ROR2: variants seen among roughly 807,000 people sequenced by gnomAD.
ROR2 encodes the protein tyrosine-protein kinase transmembrane receptor ROR2.
In ROR2, 33 loss-of-function variants were observed where a neutral mutation model predicts 74.9. The observed-to-expected ratio is 0.44, with a 90% CI of 0.33 to 0.59. The LOEUF (loss-of-function observed/expected upper bound fraction) is 0.59. Among genes scored for constraint, ROR2 ranks in the 20% least tolerant of loss-of-function variants. ROR2 has a pLI of 0.02. For missense variants in ROR2, 1,216 were observed against 1,313.8 expected, an observed-to-expected ratio of 0.93 and a Z score of 1.15; for synonymous variants, 586 against 558.7, an observed-to-expected ratio of 1.05 and a Z score of -0.69.
intron 2 of ROR2, among the ~76,000 whole-genome samples, chr9:91,763,194 G>A (rs998678645): frequency 6.6e-6 from 1 of 152,182 alleles, no homozygotes; most frequent in African/African-American, 2.4e-5. Flanking sequence ...TAGGAGGAGG[G>A]TGAGGATTAA....
At position 91,733,159 on chromosome 9, in the gene ROR2, G is replaced by A; in HGVS notation, c.900C>T (p.Cys300=). 1 of 1,605,256 alleles carries A rather than the reference G, an allele frequency of 6.2e-7. No individual in the cohort carries two copies. Among genetic ancestry groups the A allele is most frequent in the Non-Finnish European group, 8.5e-7 (1 of 1,177,306 alleles). The change falls in exon 6 of 9, where the codon TGC becomes TGT. Residue 300 remains cysteine, a synonymous_variant. Transcript: ENST00000375708. The surrounding 1 kb of genome is among the most constrained non-coding windows in gnomAD (Gnocchi z 5.7). Reference sequence around the variant, plus strand: ...TCTCGGCTGGGATGCCAATGCGCATGCAGTTGGCAGCGTCGGGGCTCTCAG... The same window carrying A: ...TCTCGGCTGGGATGCCAATGCGCATACAGTTGGCAGCGTCGGGGCTCTCAG... The part of the protein sequence containing the change: ...PMPESPDAAN[C]MRIGIPAERL...
intron 1 of ROR2, among the ~76,000 whole-genome samples, chr9:91,870,348 C>T (rs929585239): frequency 4.6e-5 from 7 of 152,170 alleles, no homozygotes. Flanking sequence ...GAAACTCCTT[C>T]GTACGGAGCA....
At chr9:91,758,023 G>A (rs533397775) in intron 2 of ROR2, among the ~76,000 whole-genome samples, 31 of 152,280 alleles carry the variant, frequency 2.0e-4, no homozygotes, top group Admixed American at 8.5e-4. Context: ...TGCTGTGCCT[G>A]GGGGCCATCA....
At chr9:91,844,171 T>C (rs1467234271) in intron 1 of ROR2, among the ~76,000 whole-genome samples, 2 of 152,230 alleles carry the variant, frequency 1.3e-5, no homozygotes, top group African/African-American at 4.8e-5. Flanking sequence ...GAAATGGTTC[T>C]CCAGCAAAGT....
chr9:91,803,323 G>T (rs1564286498), intron 1 of ROR2, among the ~76,000 whole-genome samples: 1 of 152,204 alleles, frequency 6.6e-6, no homozygotes, highest in Non-Finnish European at 1.5e-5. Context: ...AAGGCTATGT[G>T]AATCACTTCT....
chr9:91,723,733 G>T lies in ROR2; in HGVS notation c.2761C>A (p.Pro921Thr), dbSNP rs1307409375. Reference sequence around the variant, plus strand: ...CAGTCCCCCAGCAGCTCAGTCTCTGGGACAGAGCCTTCCTCCTCCTCCTCT... The same window carrying T: ...CAGTCCCCCAGCAGCTCAGTCTCTGTGACAGAGCCTTCCTCCTCCTCCTCT... Reference protein sequence around the residue: ...EAEEEEEGSVPETELLGDCDT... With the variant: ...EAEEEEEGSVTETELLGDCDT... The change falls in exon 9 of 9, where the codon CCA becomes ACA. Residue 921 changes from proline (P) to threonine (T), a missense_variant. By Grantham distance (38) the Pro-to-Thr change is conservative. Coordinates refer to ENST00000375708, the MANE Select transcript of ROR2 (RefSeq NM_004560.4). 1.9e-6 allele frequency: 3 copies of T among 1,613,780 alleles called. No individual in the cohort carries two copies. In the Admixed American group the frequency reaches 5.0e-5, roughly 27 times the overall value.
At chr9:91,891,769 T>C (rs1830426151) in intron 1 of ROR2, among the ~76,000 whole-genome samples, 1 of 151,478 alleles carries the variant, frequency 6.6e-6, no homozygotes, top group Non-Finnish European at 1.5e-5. Flanking sequence ...GCACAGGGGC[T>C]GGGCATGGTG....
intron 4 of ROR2, among the ~76,000 whole-genome samples, chr9:91,740,468 C>T (rs1438554970): frequency 4.0e-5 from 6 of 151,202 alleles, no homozygotes; most frequent in African/African-American, 9.8e-5. Flanking sequence ...AGGAGAATGG[C>T]GTGAACCCAG....
At chr9:91,854,084 C>T (rs1229125685) in intron 1 of ROR2, among the ~76,000 whole-genome samples, 3 of 152,138 alleles carry the variant, frequency 2.0e-5, no homozygotes, top group African/African-American at 7.2e-5. Flanking sequence ...CTATGGGCAA[C>T]ACCACGCAAG....
At chr9:91,930,657 G>A (rs1030815108) in intron 1 of ROR2, among the ~76,000 whole-genome samples, 2 of 152,192 alleles carry the variant, frequency 1.3e-5, no homozygotes, top group Admixed American at 1.3e-4. Context: ...GTTCATCATG[G>A]GGGCAAGATT....
intron 2 of ROR2, among the ~76,000 whole-genome samples, chr9:91,763,533 T>TAA (rs1825975935): frequency 1.3e-5 from 2 of 152,208 alleles, no homozygotes; most frequent in Admixed American, 6.5e-5. Flanking sequence ...GCGCTACAGT[T>TAA]TTAGTTCGCA....
intron 1 of ROR2, among the ~76,000 whole-genome samples, chr9:91,786,138 T>C (rs966859966): frequency 4.6e-5 from 5 of 107,528 alleles, no homozygotes; most frequent in Non-Finnish European, 8.9e-5. Context: ...CTGGGTAACA[T>C]ACGGAAACCC....
chr9:91,762,489 C>A (rs1293519816), intron 2 of ROR2, among the ~76,000 whole-genome samples: 1 of 152,162 alleles, frequency 6.6e-6, no homozygotes, highest in African/African-American at 2.4e-5. Flanking sequence ...ATGTTAAATG[C>A]TAAAATGCTG....
intron 4 of ROR2, among the ~76,000 whole-genome samples, chr9:91,753,318 A>G (rs569105701): frequency 1.4e-3 from 206 of 152,368 alleles, no homozygotes; most frequent in Middle Eastern, 6.8e-3. Flanking sequence ...AAGAGGAGAC[A>G]TGAGTGCCAA....
intron 1 of ROR2, among the ~76,000 whole-genome samples, chr9:91,781,535 G>C (rs573146880): frequency 6.6e-6 from 1 of 152,340 alleles, no homozygotes; most frequent in African/African-American, 2.4e-5. Context: ...GGAGAAGTAT[G>C]TCAATAGCAA....
rs56134220 is a variant in ROR2 at position 91,839,251 on chromosome 9, G to GGTGTGT, written c.98-63439_98-63434dup. On this transcript the variant is annotated intron_variant, in intron 1 of 8. Coordinates refer to ENST00000375708, the MANE Select transcript of ROR2 (RefSeq NM_004560.4). ...TGATTCCTGGTGCTGTCAGATCGGG[G>GGTGTGT]GTGTGTGTGTGTGTGTGTGTGTGTG... is the stretch of plus-strand genomic sequence containing the variant. 3.2e-3 allele frequency among the ~76,000 whole-genome samples: 341 copies of GGTGTGT among 107,780 alleles called. 1 individual carries two copies. The highest frequency in any genetic ancestry group is 6.8e-3 in the South Asian group (22 of 3,220). 70.7% of individuals were successfully genotyped at this position (107,780 alleles called of 152,430 possible). A position where few individuals can be genotyped will look rare whatever the true frequency, so the allele number is the denominator to read the frequency against.
intron 4 of ROR2, among the ~76,000 whole-genome samples, chr9:91,747,641 G>A (rs1825466400): frequency 6.6e-6 from 1 of 152,200 alleles, no homozygotes; most frequent in Non-Finnish European, 1.5e-5. Flanking sequence ...TTGATAAACT[G>A]GTCGAGTAAA....
intron 1 of ROR2, among the ~76,000 whole-genome samples, chr9:91,861,231 C>T (rs557609805): frequency 8.0e-4 from 120 of 150,320 alleles, no homozygotes; most frequent in Non-Finnish European, 1.2e-3. Context: ...AAAATCCTCA[C>T]CTATTTTTTG....
chr9:91,734,173 G>A (rs1460580130), intron 5 of ROR2, among the ~76,000 whole-genome samples: 1 of 152,176 alleles, frequency 6.6e-6, no homozygotes, highest in Non-Finnish European at 1.5e-5. Flanking sequence ...GGAGAGATCT[G>A]CTGCACCTGG....
Sources: allele counts gnomAD v4.1 joint callset (sites outside exome capture counted in the v4.1 genomes callset), GRCh38; gene constraint gnomAD v4.1.1; non-coding constraint Gnocchi (gnomAD v3.1); transcripts MANE v1.5; gene names NCBI Gene and HGNC (gene_info 2026-07-23, HGNC 2026-07-21).